The following OTULIN variants were observed in gnomAD, a reference collection of about 807,000 sequenced individuals.
The protein encoded by OTULIN is OTU deubiquitinase with linear linkage specificity, also known as ubiquitin thioesterase otulin.
In OTULIN, 15 loss-of-function variants were observed where a neutral mutation model predicts 39.6. The observed-to-expected ratio is 0.38, with a 90% CI of 0.25 to 0.58. OTULIN has a LOEUF of 0.58. Ranked by LOEUF, OTULIN falls within the 20% of genes least tolerant of loss-of-function variation. The pLI, the probability that OTULIN is intolerant of heterozygous loss-of-function variation, is 0.66. For missense variants in OTULIN, 319 were observed against 445.9 expected, an observed-to-expected ratio of 0.72 and a Z score of 2.56; for synonymous variants, 156 against 170.3, an observed-to-expected ratio of 0.92 and a Z score of 0.65.
chr5:14,674,472 A>G (rs1736053834), intron 2 of OTULIN, among the ~76,000 whole-genome samples: 1 of 152,210 alleles, frequency 6.6e-6, no homozygotes, highest in African/African-American at 2.4e-5. Flanking sequence ...TGAAAGATAG[A>G]AGGCTGGGTG....
At chr5:14,713,117 C>A in the OTULIN span, 1 of 811,202 alleles carries the variant, frequency 1.2e-6, no homozygotes, top group Admixed American at 2.0e-5. The surrounding 1 kb of genome is among the most constrained non-coding windows in gnomAD (Gnocchi z 4.4). Flanking sequence ...GTAAGGGCCG[C>A]AGCTAATAAC....
chr5:14,692,173 A>G (rs747235972), intron 6 of OTULIN, among the ~76,000 whole-genome samples: 11 of 152,214 alleles, frequency 7.2e-5, no homozygotes, highest in Non-Finnish European at 1.6e-4. Context: ...CAGCTGCACC[A>G]TTTTACATTC....
intron 4 of OTULIN, among the ~76,000 whole-genome samples, chr5:14,684,751 G>A (rs1001003576): frequency 6.6e-6 from 1 of 152,198 alleles, no homozygotes; most frequent in Non-Finnish European, 1.5e-5. Flanking sequence ...TTTGGTTTTA[G>A]GGTATTAAAG....
At chr5:14,713,754 A>G in the OTULIN span, 2 of 1,590,488 alleles carry the variant, frequency 1.3e-6, no homozygotes, top group Non-Finnish European at 1.7e-6. The surrounding 1 kb of genome is among the most constrained non-coding windows in gnomAD (Gnocchi z 4.4). Context: ...CACATCCGAG[A>G]GCCAGGGGCT....
the OTULIN span, chr5:14,712,890 T>C: frequency 1.9e-6 from 3 of 1,611,442 alleles, no homozygotes; most frequent in Non-Finnish European, 2.5e-6. Context: ...CCGGTAGACA[T>C]AGCACGCAGC....
intron 1 of OTULIN, among the ~76,000 whole-genome samples, chr5:14,671,316 A>C (rs896756716): frequency 4.6e-5 from 7 of 152,210 alleles, no homozygotes; most frequent in African/African-American, 1.4e-4. Flanking sequence ...GACTTAGACT[A>C]AAGAACTGGA....
At chr5:14,713,508 G>GAAGGACCCAC in the OTULIN span, 1 of 1,613,210 alleles carries the variant, frequency 6.2e-7, no homozygotes. The surrounding 1 kb of genome is among the most constrained non-coding windows in gnomAD (Gnocchi z 4.4). Flanking sequence ...TGAAGTGGCA[G>GAAGGACCCAC]AAGGACCCAC....
intron 1 of OTULIN, among the ~76,000 whole-genome samples, chr5:14,671,753 A>G (rs1002751463): frequency 2.0e-5 from 3 of 152,222 alleles, no homozygotes; most frequent in South Asian, 4.1e-4. Flanking sequence ...ACACAGTTAC[A>G]CATTTAGAGA....
chr5:14,683,690 C>T (rs1193955632), intron 4 of OTULIN, among the ~76,000 whole-genome samples: 2 of 152,154 alleles, frequency 1.3e-5, no homozygotes, highest in Non-Finnish European at 2.9e-5. Flanking sequence ...ATAATATCTT[C>T]CTCAATTTTA....
intron 2 of OTULIN, among the ~76,000 whole-genome samples, chr5:14,678,159 A>G (rs909303647): frequency 3.3e-5 from 5 of 152,348 alleles, no homozygotes; most frequent in East Asian, 1.9e-4. Context: ...ACGTGATACT[A>G]TGATACAAGG....
chr5:14,664,852 C>G lies in OTULIN; in HGVS notation c.27C>G (p.Pro9=). The change falls in exon 1 of 7, where the codon CCC becomes CCG. Residue 9 remains proline, a synonymous_variant. Coordinates refer to ENST00000284274, the MANE Select transcript of OTULIN (RefSeq NM_138348.6). ...TGAGTCGGGGGACTATGCCCCAGCC[C>G]GAAGCGTGGCCAGGCGCGAGCTGCG... MSRGTMPQ[P]EAWPGASCAE... The G allele has an allele frequency of 8.2e-7, 1 of 1,212,338 alleles. No homozygotes were observed. Among genetic ancestry groups the G allele is most frequent in the Non-Finnish European group, 1.0e-6 (1 of 974,666 alleles). The allele number at this position is 1,212,338 out of a possible 1,614,324, so 75.1% of individuals were successfully genotyped here.
At chr5:14,676,971 G>T (rs762225703) in intron 2 of OTULIN, among the ~76,000 whole-genome samples, 1 of 152,104 alleles carries the variant, frequency 6.6e-6, no homozygotes, top group Non-Finnish European at 1.5e-5. Context: ...TCAGGAGTCT[G>T]CTTCACTTTT....
the OTULIN span, chr5:14,710,217 T>C: frequency 6.6e-6 from 1 of 152,120 alleles, no homozygotes; most frequent in Non-Finnish European, 1.5e-5. Context: ...ACTTCAAAAG[T>C]TACCCTACAG....
the OTULIN span, among the ~76,000 whole-genome samples, chr5:14,714,677 A>G: frequency 6.6e-6 from 1 of 152,130 alleles, no homozygotes; most frequent in Admixed American, 6.5e-5. Flanking sequence ...AGACCCACTG[A>G]GGTTTTTGAC....
At chr5:14,670,244 G>C (rs564653067) in intron 1 of OTULIN, among the ~76,000 whole-genome samples, 3 of 152,222 alleles carry the variant, frequency 2.0e-5, no homozygotes, top group South Asian at 4.1e-4. Flanking sequence ...ACACACAAAA[G>C]GTTGCCAAAT....
chr5:14,667,272 G>A (rs1735873431), intron 1 of OTULIN, among the ~76,000 whole-genome samples: 1 of 152,206 alleles, frequency 6.6e-6, no homozygotes, highest in Non-Finnish European at 1.5e-5. Flanking sequence ...TTATTTCCTA[G>A]GTAGCACACT....
At chr5:14,706,674 G>A in the OTULIN span, 1 of 152,172 alleles carries the variant, frequency 6.6e-6, no homozygotes, top group Non-Finnish European at 1.5e-5. Flanking sequence ...GCAGGCAACA[G>A]GCCCTTTTAC....
chr5:14,706,268 G>A, the OTULIN span: 1 of 152,138 alleles, frequency 6.6e-6, no homozygotes, highest in Admixed American at 6.5e-5. Context: ...CTATAAAAGT[G>A]CATATATCTT....
chr5:14,709,519 C>G, the OTULIN span: 2 of 152,120 alleles, frequency 1.3e-5, no homozygotes, highest in African/African-American at 4.8e-5. Flanking sequence ...AACATTATGC[C>G]CTTGCATTCT....
Sources: gnomAD v4.1 joint callset for allele counts (sites outside exome capture counted in the v4.1 genomes callset) on GRCh38, gnomAD v4.1.1 for gene constraint, Gnocchi (gnomAD v3.1) non-coding constraint, MANE v1.5 for transcripts, NCBI Gene and HGNC (gene_info 2026-07-23, HGNC 2026-07-21) for gene names.